Variants in TGM1 observed in about 807,000 individuals in gnomAD.
TGM1 encodes the protein protein-glutamine gamma-glutamyltransferase K.
TGM1 carries 63 observed loss-of-function variants against 88.7 expected under a neutral mutation model. That is an observed-to-expected ratio of 0.71 (90% CI 0.58 to 0.88). The LOEUF is 0.88. Among genes scored for constraint, TGM1 ranks in the 40% least tolerant of loss-of-function variants. The pLI, the probability that TGM1 is intolerant of heterozygous loss-of-function variation, is 0.00. For synonymous variants in TGM1, 415 were observed against 431.1 expected (o/e 0.96, Z 0.46); for missense variants, 996 against 1,118.0 (o/e 0.89, Z 1.56).
chr14:24,259,280 G>T lies in TGM1; in HGVS notation c.985-31C>A. On this transcript the variant is annotated intron_variant, in intron 6 of 14. Coordinates refer to ENST00000206765, the MANE Select transcript of TGM1 (RefSeq NM_000359.3). This position sits in a 1 kb window ranked among gnomAD's most constrained non-coding sequence, Gnocchi z 5.7. ...CAGGACAGGATGAGATAGGGCGGAG[G>T]TGGAGGAGGGGCTCAGGACCTGCCA... 6.3e-7 allele frequency: 1 copy of T among 1,592,712 alleles called. No homozygotes were observed.
intron 3 of TGM1, 24 bp downstream of exon 3, chr14:24,261,671 C>T (rs964375577): frequency 4.3e-6 from 7 of 1,613,862 alleles, no homozygotes; most frequent in East Asian, 4.5e-5. Context: ...GGCCTTCACC[C>T]GTCCCAATCC....
intron 9 of TGM1, among the ~76,000 whole-genome samples, chr14:24,256,395 C>T (rs541885161): frequency 6.6e-6 from 1 of 152,330 alleles, no homozygotes; most frequent in South Asian, 2.1e-4. Context: ...TAACCAAGTC[C>T]CTGACATACT....
Position 24,258,654 on chromosome 14 carries a change from C to G in TGM1, c.1179G>C (p.Leu393=). The change falls in exon 8 of 15, where the codon CTG becomes CTC. Residue 393 remains leucine (L), a synonymous_variant. Transcript: ENST00000206765. ...VTTTVLRCLG[L]ATRTVTNFNS... is the part of the protein sequence containing the mutation. ...TGAAGTTGGTGACAGTACGGGTGGC[C>G]AGACCCAGGCAGCGCAGCACTGTGG... The G allele has an allele frequency of 3.1e-6, 5 of 1,614,168 alleles. No homozygotes were observed. Among genetic ancestry groups the G allele is most frequent in the Non-Finnish European group, 4.2e-6 (5 of 1,180,032 alleles).
At position 24,261,718 on chromosome 14, in the gene TGM1, C is replaced by T. The variant is rs771665132; in HGVS notation, c.485G>A (p.Arg162His). The T allele has an allele frequency of 5.6e-6, 9 of 1,613,992 alleles. No individual in the cohort carries two copies. Among genetic ancestry groups the T allele is most frequent in the Middle Eastern group, 1.6e-4 (1 of 6,084 alleles). ...LLSRTYESSD[R>H]ITLELLIGNN... Reference sequence around the variant, plus strand: ...ACCGATGAGTAACTCAAGGGTGATGCGATCAGAGGATTCATAGGTCCGGGA... The same window carrying T: ...ACCGATGAGTAACTCAAGGGTGATGTGATCAGAGGATTCATAGGTCCGGGA... The change falls in exon 3 of 15, where the codon CGC (arginine) becomes CAC (histidine). Residue 162 changes from arginine to histidine, a missense_variant. By Grantham distance (29) the Arg-to-His change is conservative. Coordinates refer to ENST00000206765, the MANE Select transcript of TGM1 (RefSeq NM_000359.3).
chr14:24,258,141 G>A (rs1172155322), intron 9 of TGM1, 144 bp downstream of exon 9: 2 of 630,162 alleles, frequency 3.2e-6, no homozygotes, highest in Non-Finnish European at 5.8e-6. Flanking sequence ...TCCACGTGGT[G>A]GTTCAGCTGA....
In TGM1 at chr14:24,255,027, G is replaced by A. The variant is rs754482480; in HGVS notation, c.1872C>T (p.Val624=). The A allele has an allele frequency of 6.8e-6, 11 of 1,614,086 alleles. No homozygotes were observed. The highest frequency in any genetic ancestry group is 2.2e-5 in the East Asian group (1 of 44,888). ...TGGTCTCCTTGAAGATGGTACCACT[G>A]ACACCAGTATAGAAAGTGACTGAGA... The part of the protein sequence containing the change: ...LYLSVTFYTG[V]SGTIFKETKK... Residue 624 remains valine, a synonymous_variant, in exon 12 of 15, where the codon GTC becomes GTT. Transcript: ENST00000206765. This position sits in a 1 kb window ranked among gnomAD's most constrained non-coding sequence, Gnocchi z 4.0.
intron 3 of TGM1, among the ~76,000 whole-genome samples, chr14:24,260,923 TC>T (rs1351444848): frequency 6.6e-6 from 1 of 152,154 alleles, no homozygotes; most frequent in Non-Finnish European, 1.5e-5. Flanking sequence ...CCAAACCTGT[TC>T]CCCTGACACT....
In TGM1 at chr14:24,262,015, G is replaced by A. The variant is rs921632113; in HGVS notation, c.319+19C>T. On this transcript the variant is annotated intron_variant, in intron 2 of 14. Coordinates refer to ENST00000206765, the MANE Select transcript of TGM1 (RefSeq NM_000359.3). Reference sequence around the variant, plus strand: ...TAAAGCCTTTTAGCTCTCAGCTGAGGAGGACAGACCGGCCTCACCTCGGAT... The same window carrying A: ...TAAAGCCTTTTAGCTCTCAGCTGAGAAGGACAGACCGGCCTCACCTCGGAT... 9 of 1,613,118 alleles carry A rather than the reference G, an allele frequency of 5.6e-6. No individual in the cohort carries two copies. Among genetic ancestry groups the A allele is most frequent in the Non-Finnish European group, 7.6e-6 (9 of 1,179,958 alleles).
chr14:24,253,303 G>A (rs2040716246), intron 14 of TGM1, among the ~76,000 whole-genome samples: 2 of 152,292 alleles, frequency 1.3e-5, no homozygotes, highest in African/African-American at 2.4e-5. Context: ...TAGGTCCAGG[G>A]GCTATTGCTA....
intron 14 of TGM1, among the ~76,000 whole-genome samples, chr14:24,251,400 T>TAC (rs2040699814): frequency 6.6e-6 from 1 of 152,218 alleles, no homozygotes; most frequent in Admixed American, 6.5e-5. Context: ...AAGTAACCTT[T>TAC]ACATTGCAGT....
chr14:24,260,899 C>T (rs2748518), intron 3 of TGM1, among the ~76,000 whole-genome samples: 1 of 152,208 alleles, frequency 6.6e-6, no homozygotes, highest in African/African-American at 2.4e-5. Context: ...AGGGCAGTGC[C>T]GCAGTCCAAC....
Position 24,259,379 on chromosome 14 carries a change from AC to A in TGM1, c.985-131del. On this transcript the variant is annotated intron_variant, in intron 6 of 14. Transcript: ENST00000206765. This position sits in a 1 kb window ranked among gnomAD's most constrained non-coding sequence, Gnocchi z 5.7. ...CCCCTAAATGCCTCAGGATCCAGAC[AC>A]CAGCCTGAGCTCCACCCAGCCCTTC... 2 of 912,406 alleles carry A rather than the reference AC, an allele frequency of 2.2e-6. No individual in the cohort carries two copies. The highest frequency in any genetic ancestry group is 3.5e-6 in the Non-Finnish European group (2 of 578,286). 56.5% of individuals were successfully genotyped at this position (912,406 alleles called of 1,614,324 possible).
In TGM1 at chr14:24,261,847, C is replaced by G; in HGVS notation, c.356G>C (p.Ser119Thr). Residue 119 changes from serine (S) to threonine (T), a missense_variant, in exon 3 of 15, where the codon AGC becomes ACC. By Grantham distance (58) the Ser-to-Thr change is moderately conservative. Coordinates refer to ENST00000206765, the MANE Select transcript of TGM1 (RefSeq NM_000359.3). ...TCGGCGGTTCTGGTCCGAGCGCGAGCTCAGCAAGTCCACACCGTTCACTAC... is the reference window on the plus strand; with the variant it reads ...TCGGCGGTTCTGGTCCGAGCGCGAGGTCAGCAAGTCCACACCGTTCACTAC... Reference protein sequence around the residue: ...MLVVNGVDLLSSRSDQNRREH... With the variant: ...MLVVNGVDLLTSRSDQNRREH... The G allele has an allele frequency of 1.2e-6, 2 of 1,613,916 alleles. No homozygotes were observed. The highest frequency in any genetic ancestry group is 2.7e-5 in the African/African-American group (2 of 75,026).
At position 24,250,086 on chromosome 14, in the gene TGM1, A is replaced by G. The variant is rs563589687; in HGVS notation, c.2226-545T>C. 4.0e-4 allele frequency among the ~76,000 whole-genome samples: 61 copies of G among 152,264 alleles called. 1 individual carries two copies. Among genetic ancestry groups the G allele is most frequent in the Non-Finnish European group, 3.8e-4 (26 of 68,016 alleles). ...AGAAGGATGTTATCTTTGAAAAAAA[A>G]GGAAAATCCTTCCCAAGAACAGACA... On this transcript the variant is annotated intron_variant, in intron 14 of 14. Transcript: ENST00000206765.
chr14:24,257,331 G>A (rs1019781867), intron 9 of TGM1, among the ~76,000 whole-genome samples: 2 of 152,300 alleles, frequency 1.3e-5, no homozygotes, highest in East Asian at 1.9e-4. Context: ...GGGGTATCAC[G>A]GTAAGAAGGG....
At position 24,254,430 on chromosome 14, in the gene TGM1, C is replaced by G. The variant is rs371265537; in HGVS notation, c.2089-142G>C. On this transcript the variant is annotated intron_variant, in intron 13 of 14. Coordinates refer to ENST00000206765, the MANE Select transcript of TGM1 (RefSeq NM_000359.3). ...TTTATCCTCCTGAGAGAAGATTCCC[C>G]AGAAGTCAGAGAAGAAACTCCAACC... The G allele has an allele frequency of 4.2e-4, 582 of 1,372,788 alleles. 2 individuals carry two copies. Among genetic ancestry groups the G allele is most frequent in the South Asian group, 3.4e-3 (265 of 78,552 alleles). 85.0% of individuals were successfully genotyped at this position (1,372,788 alleles called of 1,614,324 possible).
At chr14:24,262,456 G>T in intron 1 of TGM1, 102 bp from the exon 2 acceptor site, 2 of 1,259,422 alleles carry the variant, frequency 1.6e-6, no homozygotes, top group Non-Finnish European at 2.3e-6. Flanking sequence ...CCCGATGACC[G>T]AAACAATCCC....
At chr14:24,261,426 C>T (rs1406598264) in intron 3 of TGM1, among the ~76,000 whole-genome samples, 1 of 152,030 alleles carries the variant, frequency 6.6e-6, no homozygotes, top group East Asian at 1.9e-4. Context: ...GCAGCAATGC[C>T]GAAGGAGGCA....
chr14:24,252,372 G>A (rs188899164), intron 14 of TGM1, among the ~76,000 whole-genome samples: 5 of 152,358 alleles, frequency 3.3e-5, no homozygotes, highest in African/African-American at 1.2e-4. Flanking sequence ...TCAGCACAGT[G>A]GCCCTTTCCT....
Sources: allele counts gnomAD v4.1 joint callset (sites outside exome capture counted in the v4.1 genomes callset), GRCh38; gene constraint gnomAD v4.1.1; non-coding constraint Gnocchi (gnomAD v3.1); transcripts MANE v1.5; gene names NCBI Gene and HGNC (gene_info 2026-07-23, HGNC 2026-07-21).